DRICH1: variants seen among roughly 807,000 people sequenced by gnomAD.
DRICH1 encodes the protein aspartate rich 1.
DRICH1 carries 38 observed loss-of-function variants against 39.5 expected under a neutral mutation model. That is an observed-to-expected ratio of 0.96 (90% CI 0.74 to 1.26). DRICH1 has a LOEUF of 1.26. Among genes scored for constraint, DRICH1 ranks in the 50% most tolerant of loss-of-function variants. The probability of loss-of-function intolerance (pLI) is 0.00; values close to 1 mark genes in which losing one functional copy is unlikely to be tolerated. For missense variants in DRICH1, 279 were observed against 270.4 expected (o/e 1.03, Z -0.22); for synonymous variants, 84 against 99.5 (o/e 0.84, Z 0.93).
chr22:23,619,664 C>T (rs1206476222), intron 5 of DRICH1, among the ~76,000 whole-genome samples: 6 of 152,202 alleles, frequency 3.9e-5, no homozygotes, highest in Non-Finnish European at 1.5e-5. Context: ...AAAGCCTCTT[C>T]CACAAATGAT....
chr22:23,593,667 C>T, the DRICH1 span, among the ~76,000 whole-genome samples: 12 of 147,598 alleles, frequency 8.1e-5, no homozygotes, highest in African/African-American at 2.3e-4. Flanking sequence ...GGCATGATGT[C>T]GCGCGCCTGT....
Position 23,631,983 on chromosome 22 carries a change from C to G in DRICH1, c.41G>C (p.Gly14Ala), listed in dbSNP as rs761250519. ...ILTCCINSHC[G>A]WPRGKDAPCY... ...GGGTGCGTCCTTCCCCCTGGGCCAG[C>G]CACAGTGGGAGTTGATACAACAGGT... Residue 14 changes from glycine (G) to alanine (A), a missense_variant, in exon 1 of 12, where the codon GGC (glycine) becomes GCC (alanine). Physicochemically the swap from Gly to Ala is moderately conservative, Grantham distance 60 (BLOSUM62 0). Coordinates refer to ENST00000317749, the MANE Select transcript of DRICH1 (RefSeq NM_016449.4). 6 of 1,613,654 alleles carry G rather than the reference C, an allele frequency of 3.7e-6. No individual in the cohort carries two copies. Among genetic ancestry groups the G allele is most frequent in the Middle Eastern group, 1.8e-4 (1 of 5,636 alleles).
At chr22:23,586,320 C>T in the DRICH1 span, among the ~76,000 whole-genome samples, 1 of 152,202 alleles carries the variant, frequency 6.6e-6, no homozygotes, top group East Asian at 1.9e-4. Flanking sequence ...GAAACCCCAT[C>T]TCTACAAAAA....
chr22:23,620,769 C>T (rs1490026165), intron 4 of DRICH1, among the ~76,000 whole-genome samples, 154 bp from the exon 5 acceptor site: 3 of 147,636 alleles, frequency 2.0e-5, no homozygotes, highest in Non-Finnish European at 4.5e-5. Flanking sequence ...ATAGAGAACA[C>T]CTGTGGAAAA....
chr22:23,632,171 C>A lies in DRICH1; in HGVS notation c.-148G>T. The A allele has an allele frequency of 7.7e-7, 1 of 1,299,984 alleles. No individual in the cohort carries two copies. The highest frequency in any genetic ancestry group is 1.0e-6 in the Non-Finnish European group (1 of 959,968). The allele number at this position is 1,299,984 out of a possible 1,614,324, so 80.5% of individuals were successfully genotyped here. A position where few individuals can be genotyped will look rare whatever the true frequency, so the allele number is the denominator to read the frequency against. On this transcript the variant is annotated 5_prime_UTR_variant, in exon 1 of 12. Coordinates refer to ENST00000317749, the MANE Select transcript of DRICH1 (RefSeq NM_016449.4). ...ATCTGGGTCCTCAGCCCTTATTCTG[C>A]CGCCACCTCCCAAACTAGCTGGTCT...
At chr22:23,597,842 C>T in the DRICH1 span, among the ~76,000 whole-genome samples, 3 of 152,284 alleles carry the variant, frequency 2.0e-5, no homozygotes, top group Non-Finnish European at 2.9e-5. Flanking sequence ...GCTGTTCCAC[C>T]GTCACCTGTG....
chr22:23,602,820 C>T, the DRICH1 span, among the ~76,000 whole-genome samples: 1 of 151,696 alleles, frequency 6.6e-6, no homozygotes, highest in Non-Finnish European at 1.5e-5. Flanking sequence ...TAAACTTTAC[C>T]ATAAAGTAGA....
intron 8 of DRICH1, among the ~76,000 whole-genome samples, chr22:23,616,095 C>G (rs1927331450): frequency 6.6e-6 from 1 of 152,092 alleles, no homozygotes; most frequent in African/African-American, 2.4e-5. Context: ...CAGAGGTAAG[C>G]AAGAAAAACA....
chr22:23,593,903 G>A, the DRICH1 span, among the ~76,000 whole-genome samples: 40,290 of 150,472 alleles, frequency 0.27, 5,576 homozygotes, highest in Admixed American at 0.35. Context: ...GCTTGAACCC[G>A]GGAGACGGAG....
At chr22:23,606,247 C>T (rs1926725953), downstream of DRICH1, among the ~76,000 whole-genome samples, 1 of 152,172 alleles carries the variant, frequency 6.6e-6, no homozygotes, top group African/African-American at 2.4e-5. Context: ...AAATCTCTCA[C>T]CCCTTACCTG....
the DRICH1 span, among the ~76,000 whole-genome samples, chr22:23,582,232 C>T: frequency 6.6e-6 from 1 of 150,586 alleles, no homozygotes; most frequent in Non-Finnish European, 1.5e-5. Flanking sequence ...CTGCCTCGGC[C>T]TCCCAAAGTG....
chr22:23,617,492 A>T, intron 7 of DRICH1, 83 bp downstream of exon 7: 2 of 1,495,782 alleles, frequency 1.3e-6, no homozygotes, highest in Non-Finnish European at 1.9e-6. Flanking sequence ...GCCTGAGTCC[A>T]TTCTTTGGGA....
At chr22:23,582,570 A>ATTATT in the DRICH1 span, among the ~76,000 whole-genome samples, 1 of 135,626 alleles carries the variant, frequency 7.4e-6, no homozygotes, top group Non-Finnish European at 1.7e-5. Flanking sequence ...TATTATTATT[A>ATTATT]TTATTATTAT....
At chr22:23,613,733 T>C (rs1267926927) in intron 9 of DRICH1, 73 bp from the exon 10 acceptor site, 4 of 1,178,988 alleles carry the variant, frequency 3.4e-6, no homozygotes, top group Non-Finnish European at 5.0e-6. Flanking sequence ...TGTTATTCTC[T>C]GGACAACGAT....
At chr22:23,613,611 A>G (rs752230319) in intron 10 of DRICH1, 28 bp downstream of exon 10, 1 of 1,582,792 alleles carries the variant, frequency 6.3e-7, no homozygotes, top group Admixed American at 1.7e-5. Context: ...TTTTTCCCTC[A>G]GGAAGTGAGT....
downstream of DRICH1, among the ~76,000 whole-genome samples, chr22:23,603,606 C>T (rs1398708422): frequency 6.6e-6 from 1 of 152,182 alleles, no homozygotes; most frequent in African/African-American, 2.4e-5. Context: ...CCCGCCACAG[C>T]CCTTGGTCTC....
rs1427744280 is a variant in DRICH1 at position 23,613,305 on chromosome 22, A to T, written c.669T>A (p.Asp223Glu). The T allele has an allele frequency of 1.9e-6, 3 of 1,613,500 alleles. No individual in the cohort carries two copies. Among genetic ancestry groups the T allele is most frequent in the African/African-American group, 1.3e-5 (1 of 74,992 alleles). Residue 223 changes from aspartate to glutamate, a missense_variant, in exon 11 of 12, where the codon GAT (aspartate) becomes GAA (glutamate). By Grantham distance (45) the Asp-to-Glu change is conservative. Coordinates refer to ENST00000317749, the MANE Select transcript of DRICH1 (RefSeq NM_016449.4). ...ESDLTLESLS[D>E]EEIHPG ...GTTCCCTACCTGGATGAATCTCTTC[A>T]TCACTTAGACTCTCCAGCGTCAAGT...
intron 1 of DRICH1, among the ~76,000 whole-genome samples, chr22:23,628,665 TGAAAAA>T (rs1329806078): frequency 6.6e-6 from 1 of 151,746 alleles, no homozygotes; most frequent in Non-Finnish European, 1.5e-5. Flanking sequence ...CCATAAGAGG[TGAAAAA>T]GAAAAAGTCA....
Position 23,616,975 on chromosome 22 carries a change from T to C in DRICH1, c.520-101A>G, listed in dbSNP as rs1927393745. 1.3e-5 allele frequency: 18 copies of C among 1,388,036 alleles called. No homozygotes were observed. In the South Asian group the frequency reaches 2.0e-4, roughly 15 times the overall value. 86.0% of individuals were successfully genotyped at this position (1,388,036 alleles called of 1,614,324 possible). A position where few individuals can be genotyped will look rare whatever the true frequency, so the allele number is the denominator to read the frequency against. ...CTTGATGACTTCACAAAACTATTTGTAAGACAGTGGTAAGTCAAGGTCAAA... is the reference window on the plus strand; with the variant it reads ...CTTGATGACTTCACAAAACTATTTGCAAGACAGTGGTAAGTCAAGGTCAAA... On this transcript the variant is annotated intron_variant, in intron 7 of 11. Coordinates refer to ENST00000317749, the MANE Select transcript of DRICH1 (RefSeq NM_016449.4).
Sources: gnomAD v4.1 joint callset for allele counts (sites outside exome capture counted in the v4.1 genomes callset) on GRCh38, gnomAD v4.1.1 for gene constraint, MANE v1.5 for transcripts, NCBI Gene and HGNC (gene_info 2026-07-23, HGNC 2026-07-21) for gene names.